FHOD3: variants seen among roughly 807,000 people sequenced by gnomAD.
The protein encoded by FHOD3 is FH1/FH2 domain-containing protein 3.
FHOD3 carries 90 observed loss-of-function variants against 173.0 expected under a neutral mutation model. The ratio of observed to expected loss-of-function variants is 0.52; its 90% CI spans 0.44 to 0.62. The LOEUF (loss-of-function observed/expected upper bound fraction) is 0.62, where lower values mean the gene tolerates loss of function less well. Among genes scored for constraint, FHOD3 ranks in the 20% least tolerant of loss-of-function variants. The pLI is 0.00. For missense variants in FHOD3, 1,945 were observed against 2,034.7 expected, an observed-to-expected ratio of 0.96 and a Z score of 0.85; for synonymous variants, 828 against 823.0, an observed-to-expected ratio of 1.01 and a Z score of -0.10.
chr18:36,321,639 T>C (rs2044399534), intron 1 of FHOD3, among the ~76,000 whole-genome samples: 1 of 151,982 alleles, frequency 6.6e-6, no homozygotes, highest in South Asian at 2.1e-4. Flanking sequence ...GTGCAGGGAA[T>C]GTGAGGGAGA....
chr18:36,471,380 C>A (rs1372144748), intron 3 of FHOD3, among the ~76,000 whole-genome samples: 1 of 152,172 alleles, frequency 6.6e-6, no homozygotes, highest in Non-Finnish European at 1.5e-5. Context: ...TGAGGCTACA[C>A]CTCCTCCCAG....
At chr18:36,489,554 C>T (rs1314358973) in intron 3 of FHOD3, among the ~76,000 whole-genome samples, 7 of 152,030 alleles carry the variant, frequency 4.6e-5, no homozygotes, top group Non-Finnish European at 8.8e-5. Flanking sequence ...CACCTGTGGT[C>T]CCAGCTACTT....
At chr18:36,329,100 G>T (rs988577151) in intron 1 of FHOD3, among the ~76,000 whole-genome samples, 2 of 152,164 alleles carry the variant, frequency 1.3e-5, no homozygotes, top group Non-Finnish European at 2.9e-5. Flanking sequence ...CATGTCTGCT[G>T]ATTTCATGCC....
chr18:36,380,192 C>T (rs899121709), intron 3 of FHOD3, among the ~76,000 whole-genome samples: 1 of 152,098 alleles, frequency 6.6e-6, no homozygotes, highest in Non-Finnish European at 1.5e-5. Flanking sequence ...AGCCCATATA[C>T]TGGAGTAATA....
intron 3 of FHOD3, among the ~76,000 whole-genome samples, chr18:36,377,338 G>C (rs1598891837): frequency 6.6e-6 from 1 of 150,596 alleles, no homozygotes; most frequent in Admixed American, 6.6e-5. Flanking sequence ...ATTTGAGCTG[G>C]TTTCTCATGG....
At chr18:36,413,334 C>G (rs1300458525) in intron 3 of FHOD3, among the ~76,000 whole-genome samples, 3 of 152,164 alleles carry the variant, frequency 2.0e-5, no homozygotes, top group African/African-American at 7.2e-5. Context: ...ATGGACACCC[C>G]CATGAGTCTG....
rs73949457 is a variant in FHOD3, at chr18:36,386,102, A to G, written c.337+13358A>G. 3.6e-3 allele frequency among the ~76,000 whole-genome samples: 541 copies of G among 152,374 alleles called. 4 individuals are homozygous for G. The highest frequency in any genetic ancestry group is 0.011 in the African/African-American group (474 of 41,580). On this transcript the variant is annotated intron_variant, in intron 3 of 28. Coordinates refer to ENST00000590592, the MANE Select transcript of FHOD3 (RefSeq NM_001281740.3). The stretch of plus-strand genomic sequence containing the variant: ...TTAATAAGCTATTCAAATTGCACCA[A>G]AAATACAATCTGTATGTTTGTCTTT...
chr18:36,524,402 T>TG (rs1352009252), intron 5 of FHOD3, among the ~76,000 whole-genome samples: 1 of 151,996 alleles, frequency 6.6e-6, no homozygotes, highest in African/African-American at 2.4e-5. Context: ...CATATGTACA[T>TG]GGTGAGGCCA....
intron 3 of FHOD3, among the ~76,000 whole-genome samples, chr18:36,457,524 G>T (rs916317705): frequency 5.3e-5 from 8 of 151,372 alleles, no homozygotes; most frequent in African/African-American, 2.0e-4. Flanking sequence ...GAATCCAACA[G>T]TAAAAAGGCA....
At chr18:36,439,034 C>T (rs2050974958) in intron 3 of FHOD3, among the ~76,000 whole-genome samples, 2 of 152,108 alleles carry the variant, frequency 1.3e-5, no homozygotes, top group African/African-American at 4.8e-5. Context: ...ACTAGCATCT[C>T]ATGGAAACTC....
At chr18:36,361,064 A>G (rs2046586935) in intron 2 of FHOD3, among the ~76,000 whole-genome samples, 2 of 150,494 alleles carry the variant, frequency 1.3e-5, no homozygotes, top group Admixed American at 1.3e-4. Context: ...ACGTTCCCTG[A>G]TTTTTTTTTT....
chr18:36,539,843 A>G (rs1288521565), intron 5 of FHOD3, among the ~76,000 whole-genome samples: 1 of 152,200 alleles, frequency 6.6e-6, no homozygotes, highest in Non-Finnish European at 1.5e-5. Context: ...GTGATGATTC[A>G]GAACAGGCAA....
At chr18:36,722,771 C>T (rs2040854884) in intron 19 of FHOD3, among the ~76,000 whole-genome samples, 1 of 152,028 alleles carries the variant, frequency 6.6e-6, no homozygotes, top group African/African-American at 2.4e-5. Context: ...TCAAGTACAA[C>T]CAAGGTTATG....
At chr18:36,527,350 G>A (rs1412253191) in intron 5 of FHOD3, among the ~76,000 whole-genome samples, 1 of 152,156 alleles carries the variant, frequency 6.6e-6, no homozygotes, top group East Asian at 1.9e-4. Flanking sequence ...TAATTAAAAA[G>A]CACCCTAAGT....
intron 10 of FHOD3, among the ~76,000 whole-genome samples, chr18:36,643,246 A>G (rs1049821442): frequency 2.0e-5 from 3 of 152,172 alleles, no homozygotes; most frequent in Admixed American, 1.3e-4. Context: ...TCCCTAGGGA[A>G]GGTTTCTCAA....
intron 24 of FHOD3, among the ~76,000 whole-genome samples, chr18:36,753,835 C>T (rs935786461): frequency 5.3e-5 from 8 of 152,084 alleles, no homozygotes; most frequent in Non-Finnish European, 7.4e-5. Flanking sequence ...ATCTCTTGGC[C>T]GTGTGCATAT....
In FHOD3 at chr18:36,527,089, C is replaced by T. The variant is rs531831153; in HGVS notation, c.511+14546C>T. Among the ~76,000 whole-genome samples, 65 of 152,252 alleles carry T rather than the reference C, an allele frequency of 4.3e-4. No homozygotes were observed. In the South Asian group the frequency reaches 0.013, roughly 30 times the overall value. On this transcript the variant is annotated intron_variant, in intron 5 of 28. Transcript: ENST00000590592. ...GAAGCTGCATCTGGAGGCTGTGGAC[C>T]GGGGAACACTGGCCGGCTGGCTGTT...
At chr18:36,661,131 A>G (rs1339956602) in intron 14 of FHOD3, among the ~76,000 whole-genome samples, 2 of 152,160 alleles carry the variant, frequency 1.3e-5, no homozygotes, top group Non-Finnish European at 2.9e-5. Flanking sequence ...GGAAAAAAAA[A>G]AAGAAATAAG....
At position 36,763,238 on chromosome 18, in the gene FHOD3, G is replaced by A. The variant is rs188331232; in HGVS notation, c.4624+2456G>A. ...GTACTATACGTTATATACAATATGC[G>A]TATTATACACGTTATATACAATATG... On this transcript the variant is annotated intron_variant, in intron 27 of 28. Coordinates refer to ENST00000590592, the MANE Select transcript of FHOD3 (RefSeq NM_001281740.3). Among the ~76,000 whole-genome samples the A allele has an allele frequency of 1.0e-3, 148 of 143,692 alleles. 3 individuals carry two copies. The highest frequency in any genetic ancestry group is 3.6e-3 in the African/African-American group (141 of 39,156). 94.3% of individuals were successfully genotyped at this position (143,692 alleles called of 152,430 possible). A position where few individuals can be genotyped will look rare whatever the true frequency, so the allele number is the denominator to read the frequency against.
Sources: gnomAD v4.1 joint callset for allele counts (sites outside exome capture counted in the v4.1 genomes callset) on GRCh38, gnomAD v4.1.1 for gene constraint, MANE v1.5 for transcripts, NCBI Gene and HGNC (gene_info 2026-07-23, HGNC 2026-07-21) for gene names.